Variants in METAP1 observed in about 807,000 individuals in gnomAD.
METAP1 encodes methionyl aminopeptidase 1.
A neutral mutation model predicts 53.8 loss-of-function variants in METAP1; 28 were observed. The observed-to-expected ratio is 0.52, with a 90% confidence interval of 0.39 to 0.71. The LOEUF is 0.71. Among genes scored for constraint, METAP1 ranks in the 30% least tolerant of loss-of-function variants. METAP1 has a pLI of 0.00. For missense variants in METAP1, 389 were observed against 479.8 expected (o/e 0.81, Z 1.77); for synonymous variants, 181 against 165.7 (o/e 1.09, Z -0.71).
chr4:98,998,493 A>G, intron 1 of METAP1, among the ~76,000 whole-genome samples: 1 of 152,230 alleles, frequency 6.6e-6, no homozygotes, highest in East Asian at 1.9e-4. Context: ...ACTGCACTCT[A>G]TCCTGGGCAA....
chr4:99,060,120 C>G (rs1314299912), intron 10 of METAP1, among the ~76,000 whole-genome samples: 1 of 151,906 alleles, frequency 6.6e-6, no homozygotes, highest in Non-Finnish European at 1.5e-5. Context: ...TTGTAAAATA[C>G]ACATCTCATT....
intron 1 of METAP1, chr4:99,025,576 A>G (rs1295521437): frequency 4.2e-6 from 3 of 709,410 alleles, no homozygotes; most frequent in Non-Finnish European, 5.2e-6. Context: ...AGAGCTGAGA[A>G]CCACACTATC....
chr4:99,043,525 T>G (rs1394846135), intron 7 of METAP1, 138 bp downstream of exon 7: 6 of 854,660 alleles, frequency 7.0e-6, no homozygotes, highest in Non-Finnish European at 9.0e-6. Context: ...TCACTAACTC[T>G]TAAATCTACA....
In METAP1 at chr4:99,061,134, A is replaced by G; in HGVS notation, c.998-20A>G. On this transcript the variant is annotated intron_variant, in intron 10 of 10. Transcript: ENST00000296411. Reference sequence around the variant, plus strand: ...TTTAGAAAACTGAGTGAACTAAGAAATTGTTTTTGTTTGTTGAAGGCGGAT... The same window carrying G: ...TTTAGAAAACTGAGTGAACTAAGAAGTTGTTTTTGTTTGTTGAAGGCGGAT... The G allele has an allele frequency of 1.2e-6, 2 of 1,600,174 alleles. No homozygotes were observed. The highest frequency in any genetic ancestry group is 1.7e-6 in the Non-Finnish European group (2 of 1,173,228).
chr4:99,005,654 A>C, intron 1 of METAP1: 1 of 269,274 alleles, frequency 3.7e-6, no homozygotes, highest in Non-Finnish European at 7.5e-6. Flanking sequence ...ACAATTGCAA[A>C]GATAGGGAAC....
In METAP1 at chr4:99,028,895, A is replaced by T; in HGVS notation, c.143A>T (p.His48Leu). The T allele has an allele frequency of 1.9e-6, 3 of 1,546,262 alleles. No homozygotes were observed. Among genetic ancestry groups the T allele is most frequent in the Non-Finnish European group, 2.6e-6 (3 of 1,143,816 alleles). ...TGTTTTAAAGGAAGTTGGGCTACTC[A>T]CAAGTTACTACATAAGAAAGCAAGT... ...QECFKGSWAT[H>L]KLLHKKAKDE... is the part of the protein sequence containing the mutation. Residue 48 changes from histidine to leucine, a missense_variant, in exon 2 of 11, where the codon CAC becomes CTC. Coordinates refer to ENST00000296411, the MANE Select transcript of METAP1 (RefSeq NM_015143.3).
intron 1 of METAP1, chr4:99,023,092 T>G (rs1724262278): frequency 1.6e-6 from 2 of 1,215,450 alleles, no homozygotes; most frequent in Non-Finnish European, 2.3e-6. Context: ...TTCCAGCGCC[T>G]TTGCTCTGTT....
chr4:99,057,367 C>T (rs1340665023), intron 9 of METAP1, among the ~76,000 whole-genome samples: 3 of 152,224 alleles, frequency 2.0e-5, no homozygotes, highest in African/African-American at 7.2e-5. Context: ...CTTTGAGCTT[C>T]TCTACCCGGA....
intron 1 of METAP1, chr4:99,022,178 A>G (rs769431708): frequency 2.9e-6 from 1 of 345,656 alleles, no homozygotes; most frequent in Non-Finnish European, 5.1e-6. Context: ...CAAAACTTCC[A>G]CGTTTGGGCC....
chr4:99,044,658 A>G (rs1726095129), intron 7 of METAP1, among the ~76,000 whole-genome samples: 1 of 151,860 alleles, frequency 6.6e-6, no homozygotes, highest in South Asian at 2.1e-4. Context: ...AATATATAGT[A>G]TAATAGTAAT....
intron 10 of METAP1, 35 bp downstream of exon 10, chr4:99,057,853 G>T (rs1371439584): frequency 6.5e-7 from 1 of 1,526,812 alleles, no homozygotes. Context: ...TTTTTCAATT[G>T]AATTTATATG....
chr4:98,998,190 C>T (rs1174128505), intron 1 of METAP1, among the ~76,000 whole-genome samples: 3 of 152,186 alleles, frequency 2.0e-5, no homozygotes, highest in Non-Finnish European at 4.4e-5. Flanking sequence ...TTGATCAAGT[C>T]ACTGTAACTT....
chr4:99,027,200 CTT>C (rs2110326968), intron 1 of METAP1, among the ~76,000 whole-genome samples: 1 of 152,270 alleles, frequency 6.6e-6, no homozygotes, highest in African/African-American at 2.4e-5. Flanking sequence ...GAAAAATCAA[CTT>C]ACAAAAACCA....
At chr4:99,006,769 G>T (rs1245420126) in intron 1 of METAP1, among the ~76,000 whole-genome samples, 1 of 152,064 alleles carries the variant, frequency 6.6e-6, no homozygotes, top group Non-Finnish European at 1.5e-5. Flanking sequence ...TGGCTGTCAT[G>T]TCTCTTAATT....
At chr4:99,029,762 A>G (rs1724860203) in intron 2 of METAP1, among the ~76,000 whole-genome samples, 1 of 152,042 alleles carries the variant, frequency 6.6e-6, no homozygotes. Context: ...TAGCTGATTT[A>G]ATGAAGTTTG....
At chr4:99,043,520 A>G in intron 7 of METAP1, 133 bp downstream of exon 7, 2 of 888,318 alleles carry the variant, frequency 2.3e-6, no homozygotes, top group Non-Finnish European at 1.7e-6. Context: ...CAGTATCACT[A>G]ACTCTTAAAT....
At chr4:99,015,189 G>A (rs1349824613) in intron 1 of METAP1, among the ~76,000 whole-genome samples, 1 of 152,128 alleles carries the variant, frequency 6.6e-6, no homozygotes, top group East Asian at 1.9e-4. Context: ...TTTTAACCAG[G>A]CATTTGCATC....
intron 2 of METAP1, among the ~76,000 whole-genome samples, chr4:99,031,055 G>A (rs1032575384): frequency 2.0e-5 from 3 of 150,232 alleles, no homozygotes; most frequent in Admixed American, 1.3e-4. Context: ...TTCTTATGCA[G>A]GCCTTAGGAA....
At chr4:99,020,195 A>G (rs545887812) in intron 1 of METAP1, among the ~76,000 whole-genome samples, 8 of 152,178 alleles carry the variant, frequency 5.3e-5, no homozygotes, top group Non-Finnish European at 7.3e-5. Flanking sequence ...CAGTCCAAGT[A>G]TATAGTTTGG....
Sources: gnomAD v4.1 joint callset for allele counts (sites outside exome capture counted in the v4.1 genomes callset) on GRCh38, gnomAD v4.1.1 for gene constraint, MANE v1.5 for transcripts, NCBI Gene and HGNC (gene_info 2026-07-23, HGNC 2026-07-21) for gene names.